Variants in LGSN observed in about 807,000 individuals in gnomAD.
LGSN encodes lengsin, lens protein with glutamine synthetase domain, also known as lengsin.
A neutral mutation model predicts 19.5 loss-of-function variants in LGSN; 21 were observed. That is an observed-to-expected ratio of 1.07 (90% CI 0.76 to 1.55). LGSN has a LOEUF of 1.55. Ranked by LOEUF, LGSN falls within the 40% of genes most tolerant of loss-of-function variation. The pLI, the probability that LGSN is intolerant of heterozygous loss-of-function variation, is 0.00. For synonymous variants in LGSN, 257 were observed against 215.6 expected (o/e 1.19, Z -1.68); for missense variants, 673 against 608.5 (o/e 1.11, Z -1.12).
At chr6:63,412,443 CAAGAAAGAAAGA>C in the LGSN span, among the ~76,000 whole-genome samples, 2 of 75,302 alleles carry the variant, frequency 2.7e-5, no homozygotes, top group Non-Finnish European at 5.3e-5. Flanking sequence ...AGAAAGAAAG[CAAGAAAGAAAGA>C]AAGAAAGAAA....
the LGSN span, among the ~76,000 whole-genome samples, chr6:63,375,291 C>G: frequency 1.3e-5 from 2 of 151,892 alleles, no homozygotes; most frequent in East Asian, 3.8e-4. Context: ...TCCTCATAAT[C>G]AATTTGACTT....
the LGSN span, among the ~76,000 whole-genome samples, chr6:63,344,797 T>C: frequency 6.6e-6 from 1 of 152,066 alleles, no homozygotes. Flanking sequence ...CAAAAAGTTG[T>C]AGTACAGAAA....
chr6:63,573,039 G>A, the LGSN span, among the ~76,000 whole-genome samples: 2 of 151,828 alleles, frequency 1.3e-5, no homozygotes, highest in African/African-American at 2.4e-5. Flanking sequence ...GGCAGTTTCG[G>A]CTTCCGCAGC....
the LGSN span, among the ~76,000 whole-genome samples, chr6:63,477,666 TCTTC>T: frequency 6.8e-6 from 1 of 146,032 alleles, no homozygotes; most frequent in Admixed American, 6.9e-5. Flanking sequence ...TTTTTCTTTT[TCTTC>T]TTCTTCTTCT....
At chr6:63,560,859 A>G in the LGSN span, among the ~76,000 whole-genome samples, 49 of 152,344 alleles carry the variant, frequency 3.2e-4, no homozygotes, top group East Asian at 9.4e-3. Context: ...GACTACACTT[A>G]GAGTAGCATT....
chr6:63,501,065 T>G, the LGSN span, among the ~76,000 whole-genome samples: 7 of 151,986 alleles, frequency 4.6e-5, no homozygotes, highest in Middle Eastern at 3.2e-3. Flanking sequence ...CTTTGCTTTT[T>G]TAAAAAAGGA....
the LGSN span, among the ~76,000 whole-genome samples, chr6:63,342,493 A>T: frequency 6.6e-6 from 1 of 152,270 alleles, no homozygotes; most frequent in Admixed American, 6.5e-5. Context: ...TAATGAACAT[A>T]GCAAGTAGTA....
chr6:63,290,352 T>C (rs1767718836), intron 2 of LGSN, among the ~76,000 whole-genome samples: 1 of 152,220 alleles, frequency 6.6e-6, no homozygotes, highest in African/African-American at 2.4e-5. Flanking sequence ...GATTTCTGGC[T>C]TAAGACAAAG....
chr6:63,469,182 T>C, the LGSN span, among the ~76,000 whole-genome samples: 1 of 152,196 alleles, frequency 6.6e-6, no homozygotes, highest in Non-Finnish European at 1.5e-5. Context: ...TTATTACATG[T>C]ACATATGGGT....
the LGSN span, chr6:63,572,844 G>C: frequency 3.8e-5 from 15 of 394,696 alleles, no homozygotes; most frequent in African/African-American, 3.1e-4. Flanking sequence ...GTTCCGGTGG[G>C]TCCCGGGTGG....
the LGSN span, among the ~76,000 whole-genome samples, chr6:63,498,597 G>GAAACACA: frequency 5.3e-5 from 8 of 152,112 alleles, no homozygotes; most frequent in Non-Finnish European, 8.8e-5. Context: ...AGTCATGACA[G>GAAACACA]AAACCCAAAA....
the LGSN span, among the ~76,000 whole-genome samples, chr6:63,390,789 G>A: frequency 1.3e-5 from 2 of 149,042 alleles, no homozygotes; most frequent in Non-Finnish European, 3.0e-5. Flanking sequence ...AACCCCGGGG[G>A]ACGGAGCCTG....
chr6:63,514,091 G>A, the LGSN span, among the ~76,000 whole-genome samples: 1 of 151,924 alleles, frequency 6.6e-6, no homozygotes, highest in African/African-American at 2.4e-5. Context: ...GTGTTCTTCT[G>A]CCCACATCAT....
the LGSN span, among the ~76,000 whole-genome samples, chr6:63,345,869 T>G: frequency 6.6e-6 from 1 of 152,148 alleles, no homozygotes; most frequent in Non-Finnish European, 1.5e-5. Context: ...ACTTAAAAAT[T>G]TTCTCCCACT....
the LGSN span, among the ~76,000 whole-genome samples, chr6:63,503,744 G>A: frequency 2.6e-5 from 4 of 152,004 alleles, no homozygotes; most frequent in African/African-American, 7.3e-5. Context: ...GTGAAACCCC[G>A]CCTCTACTAA....
At chr6:63,379,304 C>T in the LGSN span, among the ~76,000 whole-genome samples, 1 of 152,092 alleles carries the variant, frequency 6.6e-6, no homozygotes, top group Non-Finnish European at 1.5e-5. Flanking sequence ...ACCATGAGGC[C>T]TGAGCTTTGA....
chr6:63,426,762 GC>G, the LGSN span, among the ~76,000 whole-genome samples: 3 of 151,950 alleles, frequency 2.0e-5, no homozygotes, highest in African/African-American at 7.3e-5. Flanking sequence ...TAATCAACCT[GC>G]CTTGGCCTCC....
At chr6:63,403,960 C>T in the LGSN span, among the ~76,000 whole-genome samples, 1 of 152,058 alleles carries the variant, frequency 6.6e-6, no homozygotes, top group African/African-American at 2.4e-5. Flanking sequence ...CTCTCTCTCT[C>T]TCTCTCTCTC....
chr6:63,550,870 C>A, the LGSN span, among the ~76,000 whole-genome samples: 8 of 152,146 alleles, frequency 5.3e-5, no homozygotes, highest in East Asian at 1.5e-3. Context: ...AGGTGATCCG[C>A]CTGCCTCGGC....
Sources: allele counts gnomAD v4.1 joint callset (sites outside exome capture counted in the v4.1 genomes callset), GRCh38; gene constraint gnomAD v4.1.1; transcripts MANE v1.5; gene names NCBI Gene and HGNC (gene_info 2026-07-23, HGNC 2026-07-21).